SYT1: variants seen among roughly 807,000 people sequenced by gnomAD.
SYT1 encodes the protein synaptotagmin-1.
Under a neutral mutation model 44.8 loss-of-function variants are expected in SYT1, and 8 were observed. The ratio of observed to expected loss-of-function variants is 0.18; its 90% CI spans 0.10 to 0.32. The LOEUF is 0.32. Ranked by LOEUF, SYT1 falls within the 10% of genes least tolerant of loss-of-function variation. The pLI, the probability that SYT1 is intolerant of heterozygous loss-of-function variation, is 1.00. For missense variants in SYT1, 286 were observed against 509.3 expected (o/e 0.56, Z 4.22); for synonymous variants, 154 against 188.8 (o/e 0.82, Z 1.51).
At chr12:79,382,077 T>A (rs948896160) in intron 9 of SYT1, among the ~76,000 whole-genome samples, 13 of 152,070 alleles carry the variant, frequency 8.5e-5, no homozygotes, top group African/African-American at 2.9e-4. Context: ...GTCAACGTGT[T>A]TTTCAATCAG....
At chr12:78,959,203 TA>T (rs572474645) in intron 1 of SYT1, among the ~76,000 whole-genome samples, 1 of 152,034 alleles carries the variant, frequency 6.6e-6, no homozygotes, top group Non-Finnish European at 1.5e-5. Flanking sequence ...ACTAAAACCT[TA>T]AAAAAATACA....
chr12:79,407,812 T>C (rs12227120), intron 9 of SYT1, among the ~76,000 whole-genome samples: 7,846 of 152,214 alleles, frequency 0.052, 457 homozygotes, highest in East Asian at 0.21. Context: ...TGGATGTGGC[T>C]GTCCTTACTC....
chr12:79,148,989 G>T (rs535342776), intron 3 of SYT1, among the ~76,000 whole-genome samples: 2 of 152,058 alleles, frequency 1.3e-5, no homozygotes, highest in African/African-American at 4.8e-5. Flanking sequence ...TATTATCTTT[G>T]GAAGAATGTT....
chr12:78,949,899 T>A (rs1043045320), intron 1 of SYT1, among the ~76,000 whole-genome samples: 4 of 152,050 alleles, frequency 2.6e-5, no homozygotes, highest in African/African-American at 9.6e-5. Context: ...ACCTTTAAGA[T>A]ATGCATTTCT....
intron 2 of SYT1, among the ~76,000 whole-genome samples, chr12:78,992,716 G>A (rs1870101701): frequency 1.3e-5 from 2 of 152,180 alleles, no homozygotes; most frequent in African/African-American, 4.8e-5. Context: ...AGCACCACTA[G>A]AAAGAAGCAG....
At chr12:79,350,284 GCT>G (rs1882835186) in intron 8 of SYT1, among the ~76,000 whole-genome samples, 1 of 127,830 alleles carries the variant, frequency 7.8e-6, no homozygotes. Context: ...ACGGAGTCTC[GCT>G]CTGTCGCCCA....
chr12:79,361,866 A>G (rs1883328498), intron 9 of SYT1, among the ~76,000 whole-genome samples: 2 of 152,210 alleles, frequency 1.3e-5, no homozygotes, highest in Admixed American at 1.3e-4. Flanking sequence ...AATTTTACCT[A>G]CAACTAAATT....
chr12:79,400,218 G>GA (rs1885022193), intron 9 of SYT1, among the ~76,000 whole-genome samples: 1 of 151,958 alleles, frequency 6.6e-6, no homozygotes, highest in Non-Finnish European at 1.5e-5. Context: ...ATAAACTATA[G>GA]AAAAAAGTAG....
At chr12:78,939,810 T>G (rs1245830436) in intron 1 of SYT1, among the ~76,000 whole-genome samples, 1 of 152,192 alleles carries the variant, frequency 6.6e-6, no homozygotes, top group African/African-American at 2.4e-5. Context: ...TGGAAGGCAA[T>G]GATGGCCAAA....
chr12:79,110,855 C>T (rs1371408718), intron 3 of SYT1, among the ~76,000 whole-genome samples: 1 of 152,104 alleles, frequency 6.6e-6, no homozygotes, highest in Non-Finnish European at 1.5e-5. Flanking sequence ...ATATGCGTTA[C>T]TTCTTTTAAT....
chr12:79,134,271 G>T (rs1269326935), intron 3 of SYT1, among the ~76,000 whole-genome samples: 2 of 152,170 alleles, frequency 1.3e-5, no homozygotes, highest in African/African-American at 4.8e-5. Context: ...AGGAATCTAG[G>T]TTTACAAAGG....
At chr12:79,243,059 G>A (rs1304152352) in intron 4 of SYT1, among the ~76,000 whole-genome samples, 1 of 152,122 alleles carries the variant, frequency 6.6e-6, no homozygotes, top group Non-Finnish European at 1.5e-5. Flanking sequence ...CAGGGGAACT[G>A]CCCTTTATAA....
intron 2 of SYT1, among the ~76,000 whole-genome samples, chr12:79,019,280 T>C (rs1310276667): frequency 1.3e-5 from 2 of 152,052 alleles, no homozygotes; most frequent in Non-Finnish European, 2.9e-5. Flanking sequence ...ATTCTTTTAA[T>C]GTCCTTCTTA....
chr12:79,401,141 A>G (rs1299701255), intron 9 of SYT1, among the ~76,000 whole-genome samples: 1 of 152,202 alleles, frequency 6.6e-6, no homozygotes, highest in Non-Finnish European at 1.5e-5. Context: ...AAAAATGTCA[A>G]ACAAGGGCCA....
intron 3 of SYT1, among the ~76,000 whole-genome samples, chr12:79,110,111 C>T (rs760816976): frequency 1.4e-4 from 22 of 152,066 alleles, no homozygotes; most frequent in Admixed American, 2.6e-4. Flanking sequence ...ATATTGTCTC[C>T]TATTGACTTC....
At chr12:78,876,652 C>A (rs1874096590) in intron 1 of SYT1, among the ~76,000 whole-genome samples, 1 of 121,474 alleles carries the variant, frequency 8.2e-6, no homozygotes, top group Non-Finnish European at 1.6e-5. Flanking sequence ...TATGTATATA[C>A]ACACGTGTGC....
intron 2 of SYT1, among the ~76,000 whole-genome samples, chr12:79,037,746 G>C (rs939326835): frequency 1.3e-5 from 2 of 151,688 alleles, no homozygotes; most frequent in South Asian, 4.2e-4. Flanking sequence ...AACCCCACAG[G>C]TACTTCTAGT....
chr12:79,447,276 AT>A (rs1870791265), intron 10 of SYT1, among the ~76,000 whole-genome samples: 1 of 152,018 alleles, frequency 6.6e-6, no homozygotes, highest in Admixed American at 6.6e-5. Context: ...GAAAAAAATA[AT>A]TGAGTATTTC....
At chr12:79,146,761 G>A (rs1446455055) in intron 3 of SYT1, among the ~76,000 whole-genome samples, 1 of 152,112 alleles carries the variant, frequency 6.6e-6, no homozygotes, top group Non-Finnish European at 1.5e-5. Flanking sequence ...TTTTCTGAAC[G>A]TTTTTAGATC....
Sources: gnomAD v4.1 joint callset for allele counts (sites outside exome capture counted in the v4.1 genomes callset) on GRCh38, gnomAD v4.1.1 for gene constraint, MANE v1.5 for transcripts, NCBI Gene and HGNC (gene_info 2026-07-23, HGNC 2026-07-21) for gene names.